ZFR2: variants seen among roughly 807,000 people sequenced by gnomAD.
ZFR2 encodes the protein zinc finger RNA-binding protein 2.
A neutral mutation model predicts 105.7 loss-of-function variants in ZFR2; 104 were observed. The observed-to-expected ratio is 0.98, with a 90% CI of 0.84 to 1.16. The LOEUF (loss-of-function observed/expected upper bound fraction) is 1.16, where lower values mean the gene tolerates loss of function less well. ZFR2 is among the 50% of genes most tolerant of loss of function. The pLI, the probability that ZFR2 is intolerant of heterozygous loss-of-function variation, is 0.00. For missense variants in ZFR2, 1,425 were observed against 1,355.5 expected (o/e 1.05, Z -0.80); for synonymous variants, 634 against 597.7 (o/e 1.06, Z -0.89).
chr19:3,840,154 C>T (rs2038120814), intron 1 of ZFR2, among the ~76,000 whole-genome samples: 3 of 152,174 alleles, frequency 2.0e-5, no homozygotes, highest in African/African-American at 7.2e-5. Context: ...ACAAAGGATC[C>T]TCTGCCCAGG....
intron 1 of ZFR2, among the ~76,000 whole-genome samples, chr19:3,837,790 C>T (rs1235230425): frequency 6.6e-6 from 1 of 151,270 alleles, no homozygotes; most frequent in East Asian, 2.0e-4. Flanking sequence ...GACACCTTGA[C>T]TGTGACACTC....
intron 3 of ZFR2, 191 bp downstream of exon 3, chr19:3,833,473 G>A: frequency 2.1e-6 from 1 of 478,452 alleles, no homozygotes. Context: ...CTACTCGGGA[G>A]GCTGAGGCAG....
intron 1 of ZFR2, among the ~76,000 whole-genome samples, chr19:3,863,359 C>T (rs1399732383): frequency 6.6e-6 from 1 of 152,176 alleles, no homozygotes; most frequent in Non-Finnish European, 1.5e-5. Flanking sequence ...CGGGTTGGGT[C>T]ACCGTTACTT....
intron 7 of ZFR2, among the ~76,000 whole-genome samples, chr19:3,824,386 G>T (rs1339637726): frequency 6.6e-6 from 1 of 152,220 alleles, no homozygotes; most frequent in Non-Finnish European, 1.5e-5. Flanking sequence ...CAGACGCCTG[G>T]CATGTAATCC....
At chr19:3,845,888 A>G (rs2038180053) in intron 1 of ZFR2, among the ~76,000 whole-genome samples, 2 of 152,196 alleles carry the variant, frequency 1.3e-5, no homozygotes, top group Non-Finnish European at 2.9e-5. Flanking sequence ...GGACTTCAAC[A>G]CAGGAAGGTG....
In ZFR2 at chr19:3,806,011, C is replaced by T. The variant is rs373114978; in HGVS notation, c.2758G>A (p.Glu920Lys). ...RFRKRQRGPG[E>K]GEEGAGEKKR... is the part of the protein sequence containing the mutation. ...TTCTCCCCTGCGCCCTCCTCTCCCT[C>T]GCCAGGTCCCCGTTGCCTCTTCCGG... Residue 920 changes from glutamate (E) to lysine (K), a missense_variant, in exon 19 of 19, where the codon GAG (glutamate) becomes AAG (lysine). By Grantham distance (56) the Glu-to-Lys change is moderately conservative. Coordinates refer to ENST00000262961, the MANE Select transcript of ZFR2 (RefSeq NM_015174.2). The T allele has an allele frequency of 1.3e-5, 20 of 1,547,520 alleles. No homozygotes were observed. The highest frequency in any genetic ancestry group is 9.8e-5 in the East Asian group (4 of 40,716).
intron 13 of ZFR2, among the ~76,000 whole-genome samples, chr19:3,815,393 T>G (rs865846915): frequency 6.6e-6 from 1 of 152,188 alleles, no homozygotes; most frequent in East Asian, 1.9e-4. Context: ...CCAGGCCCGA[T>G]TTTTCTTTTT....
At position 3,819,040 on chromosome 19, in the gene ZFR2, A is replaced by G. The variant is rs755827495; in HGVS notation, c.1931+5T>C. The G allele has an allele frequency of 1.8e-5, 29 of 1,611,422 alleles. No homozygotes were observed. Among genetic ancestry groups the G allele is most frequent in the Non-Finnish European group, 2.2e-5 (26 of 1,179,518 alleles). On this transcript the variant is annotated splice_donor_5th_base_variant and intron_variant, in intron 12 of 18. Coordinates refer to ENST00000262961, the MANE Select transcript of ZFR2 (RefSeq NM_015174.2). ...CGGGCCCTGGGGAAGGGGATCTCCA[A>G]TGACCTGCGCTTGTCACCCTCTTCC...
At chr19:3,817,933 C>T (rs1289616481) in intron 12 of ZFR2, among the ~76,000 whole-genome samples, 1 of 152,192 alleles carries the variant, frequency 6.6e-6, no homozygotes, top group Admixed American at 6.5e-5. Context: ...ACACGGTGTG[C>T]GACCCCATTT....
rs764064862 is a variant in ZFR2, at chr19:3,806,072, A to G, written c.2697T>C (p.Asp899=). 3 of 1,527,970 alleles carry G rather than the reference A, an allele frequency of 2.0e-6. No individual in the cohort carries two copies. The Admixed American group carries it at 6.0e-5, about 31-fold the overall frequency. 94.7% of individuals were successfully genotyped at this position (1,527,970 alleles called of 1,614,324 possible). The change falls in exon 19 of 19, where the codon GAT becomes GAC. Residue 899 remains aspartate (D), a synonymous_variant. Coordinates refer to ENST00000262961, the MANE Select transcript of ZFR2 (RefSeq NM_015174.2). ...FRQTHKVLGM[D]LLPPRHRLGA... is the part of the protein sequence containing the mutation. ...CCAGCCGGTGTCTGGGCGGCAGGAG[A>G]TCCATGCCCAGGACCTTGTGGGTCT...
rs775846492 is a variant in ZFR2 at position 3,831,483 on chromosome 19, CG to C, written c.671del (p.Pro224ArgfsTer203). On this transcript the variant is annotated frameshift_variant, in exon 5 of 19. Transcript: ENST00000262961. LOFTEE classifies it high-confidence loss of function. ...ASPFYPPAQP[P>X]PPPGPPQQLP... Reference sequence around the variant, plus strand: ...GCTGCTGCGGGGGTCCCGGGGGAGGCGGGGGCTGCGCTGGAGGATAGAAAGG... The same window carrying C: ...GCTGCTGCGGGGGTCCCGGGGGAGGCGGGGCTGCGCTGGAGGATAGAAAGG... The C allele has an allele frequency of 1.5e-4, 234 of 1,549,360 alleles. No individual in the cohort carries two copies. Among genetic ancestry groups the C allele is most frequent in the Middle Eastern group, 1.7e-4 (1 of 5,810 alleles).
intron 9 of ZFR2, 150 bp downstream of exon 9, chr19:3,821,931 G>A: frequency 7.9e-7 from 1 of 1,262,524 alleles, no homozygotes; most frequent in South Asian, 1.5e-5. Flanking sequence ...TTGAGACGAG[G>A]ACCAAGACGT....
At chr19:3,848,588 T>C (rs917103605) in intron 1 of ZFR2, among the ~76,000 whole-genome samples, 2 of 151,840 alleles carry the variant, frequency 1.3e-5, no homozygotes, top group Non-Finnish European at 2.9e-5. Context: ...GCACCTGCAG[T>C]CCCAGCTCCT....
At position 3,823,685 on chromosome 19, in the gene ZFR2, C is replaced by T. The variant is rs1194558831; in HGVS notation, c.1214-282G>A. On this transcript the variant is annotated intron_variant, in intron 7 of 18. Transcript: ENST00000262961. This position sits in a 1 kb window ranked among gnomAD's most constrained non-coding sequence, Gnocchi z 5.4. ...GAACCCACCGACAGCACAAAATCCA[C>T]AGTTAATAGACCATGAAGTATCAGG... Among the ~76,000 whole-genome samples, 2 of 152,186 alleles carry T rather than the reference C, an allele frequency of 1.3e-5. No homozygotes were observed. The highest frequency in any genetic ancestry group is 2.9e-5 in the Non-Finnish European group (2 of 68,030).
In ZFR2 at chr19:3,855,221, T is replaced by G. The variant is rs141466820; in HGVS notation, c.53+13744A>C. ...AAGTTTTTCTTTTTTTAATGTGAAT[T>G]TTTTACTTCTACTTTAAATCCCAAC... On this transcript the variant is annotated intron_variant, in intron 1 of 18. Transcript: ENST00000262961. 3.7e-3 allele frequency among the ~76,000 whole-genome samples: 559 copies of G among 152,270 alleles called. 2 individuals are homozygous for G. Among genetic ancestry groups the G allele is most frequent in the African/African-American group, 0.013 (544 of 41,540 alleles).
intron 18 of ZFR2, 32 bp from the exon 19 acceptor site, chr19:3,806,157 C>A: frequency 7.1e-7 from 1 of 1,401,012 alleles, no homozygotes. Flanking sequence ...TCAGGACCCC[C>A]GCCCGCTCTG....
At chr19:3,848,835 C>CA (rs993163029) in intron 1 of ZFR2, among the ~76,000 whole-genome samples, 161 of 148,246 alleles carry the variant, frequency 1.1e-3, no homozygotes, top group African/African-American at 3.6e-3. Context: ...ACTAAAAATA[C>CA]AAAAAAAAAT....
intron 1 of ZFR2, among the ~76,000 whole-genome samples, chr19:3,840,910 G>C (rs1310537985): frequency 1.3e-5 from 2 of 152,138 alleles, no homozygotes; most frequent in East Asian, 3.9e-4. Flanking sequence ...AGATTTTGAT[G>C]GCCATGCATG....
At position 3,834,897 on chromosome 19, in the gene ZFR2, G is replaced by A. The variant is rs772177098; in HGVS notation, c.140C>T (p.Pro47Leu). 1.3e-5 allele frequency: 21 copies of A among 1,611,832 alleles called. No homozygotes were observed. The highest frequency in any genetic ancestry group is 3.3e-4 in the Middle Eastern group (2 of 6,056). Residue 47 changes from proline (P) to leucine (L), a missense_variant, in exon 2 of 19, where the codon CCG becomes CTG. Physicochemically the swap from Pro to Leu is moderately conservative, Grantham distance 98 (BLOSUM62 -3). Transcript: ENST00000262961. This position sits in a 1 kb window ranked among gnomAD's most constrained non-coding sequence, Gnocchi z 5.3. ...TGCCGGGGCAGCTGGGGGAAAGGCC[G>A]GGTTCACGGCAGGGTCCATCCCAGG... ...PTPGMDPAVN[P>L]AFPPAAPAGY...
Sources: allele counts gnomAD v4.1 joint callset (sites outside exome capture counted in the v4.1 genomes callset), GRCh38; gene constraint gnomAD v4.1.1; non-coding constraint Gnocchi (gnomAD v3.1); transcripts MANE v1.5; gene names NCBI Gene and HGNC (gene_info 2026-07-23, HGNC 2026-07-21).